RARB: variants seen among roughly 807,000 people sequenced by gnomAD.
The protein encoded by RARB is HBV-activated protein.
In RARB, 17 loss-of-function variants were observed where a neutral mutation model predicts 51.9. The observed-to-expected ratio is 0.33, with a 90% confidence interval of 0.22 to 0.49. The LOEUF (loss-of-function observed/expected upper bound fraction) is 0.49, where lower values mean the gene tolerates loss of function less well. RARB is among the 20% of genes least tolerant of loss of function. The pLI is 0.99. For missense variants in RARB, 369 were observed against 550.8 expected, an observed-to-expected ratio of 0.67 and a Z score of 3.30; for synonymous variants, 215 against 195.4, an observed-to-expected ratio of 1.10 and a Z score of -0.84.
Position 25,051,847 on chromosome 3 carries a change from G to A in RARB, c.-379-8278G>A, listed in dbSNP as rs1283438924. On this transcript the variant is annotated intron_variant, in intron 2 of 11. Transcript: ENST00000383772. ...CTTGAAGGGAGGAAGCATCTTAAAT[G>A]GACTGTGAAAGAAACAGGTACAAAA... Among the ~76,000 whole-genome samples the A allele has an allele frequency of 2.0e-5, 3 of 152,150 alleles. No homozygotes were observed. The East Asian group carries it at 5.8e-4, about 29-fold the overall frequency.
At chr3:24,903,333 G>C (rs1228063628) in intron 2 of RARB, among the ~76,000 whole-genome samples, 3 of 151,998 alleles carry the variant, frequency 2.0e-5, no homozygotes, top group African/African-American at 7.3e-5. Context: ...ACTAGTATAA[G>C]AAAAAGTAAT....
At chr3:25,247,866 G>A (rs908434208) in intron 5 of RARB, among the ~76,000 whole-genome samples, 1 of 152,226 alleles carries the variant, frequency 6.6e-6, no homozygotes, top group African/African-American at 2.4e-5. Flanking sequence ...GCTGTTGGGT[G>A]AAATGTTCTG....
intron 1 of RARB, among the ~76,000 whole-genome samples, chr3:25,436,941 C>T (rs1191880116): frequency 1.3e-5 from 2 of 152,084 alleles, no homozygotes; most frequent in Non-Finnish European, 1.5e-5. Context: ...GGATCGGTTT[C>T]TACAGCTATG....
upstream of RARB, among the ~76,000 whole-genome samples, chr3:25,424,777 G>A (rs1306623633): frequency 7.2e-5 from 11 of 152,144 alleles, no homozygotes. Flanking sequence ...ACGGTGCACA[G>A]ACACGACTGC....
intron 3 of RARB, among the ~76,000 whole-genome samples, chr3:25,505,275 G>A (rs1697525073): frequency 6.6e-6 from 1 of 152,152 alleles, no homozygotes; most frequent in Non-Finnish European, 1.5e-5. Flanking sequence ...GCAGTTTGAT[G>A]AGAAAGTCTA....
chr3:25,430,879 G>A (rs1486013977), intron 1 of RARB, among the ~76,000 whole-genome samples: 3 of 150,386 alleles, frequency 2.0e-5, no homozygotes, highest in African/African-American at 7.3e-5. Flanking sequence ...TGAATAAAAT[G>A]TAAATATTGC....
chr3:25,587,777 A>G lies in RARB; in HGVS notation c.787-5726A>G, dbSNP rs1701454208. 3.3e-5 allele frequency among the ~76,000 whole-genome samples: 5 copies of G among 152,358 alleles called. No individual in the cohort carries two copies. The South Asian group carries it at 1.0e-3, about 32-fold the overall frequency. On this transcript the variant is annotated intron_variant, in intron 5 of 7. Coordinates refer to ENST00000330688, the MANE Select transcript of RARB (RefSeq NM_000965.5). ...TCACTACCTAAACATTCCCACAGGC[A>G]TATGGGGATAAATTGTCGAATCAGA... is the stretch of plus-strand genomic sequence containing the variant.
At chr3:24,975,728 G>A (rs537233243) in intron 2 of RARB, among the ~76,000 whole-genome samples, 12 of 151,830 alleles carry the variant, frequency 7.9e-5, no homozygotes, top group African/African-American at 1.9e-4. Flanking sequence ...TTTTTGTCAT[G>A]CTGCTGCTAA....
At chr3:25,278,649 A>G (rs1386399340) in intron 5 of RARB, among the ~76,000 whole-genome samples, 1 of 152,240 alleles carries the variant, frequency 6.6e-6, no homozygotes, top group African/African-American at 2.4e-5. Flanking sequence ...CTAAATGGGT[A>G]GAAACCCAGA....
In RARB at chr3:24,967,440, CTCAGATGG is replaced by C. The variant is rs961037700; in HGVS notation, c.-379-92681_-379-92674del. ...CCGTTTTGTAAATTTGTCTCCTCAA[CTCAGATGG>C]TCAACTTCTAAGAGTAGAATCCAGT... On this transcript the variant is annotated intron_variant, in intron 2 of 11. Coordinates refer to the RARB transcript ENST00000383772. 1.1e-3 allele frequency among the ~76,000 whole-genome samples: 171 copies of C among 152,248 alleles called. 1 individual carries two copies. The highest frequency in any genetic ancestry group is 3.9e-3 in the African/African-American group (163 of 41,566).
chr3:24,978,210 C>G (rs1293326854), intron 2 of RARB, among the ~76,000 whole-genome samples: 2 of 150,650 alleles, frequency 1.3e-5, no homozygotes, highest in African/African-American at 2.5e-5. Flanking sequence ...GCCTAAGATT[C>G]TTTTTTTTTG....
rs41285067 is a variant in RARB, at chr3:25,501,531, C to T, written c.448+208C>T. Among the ~76,000 whole-genome samples the T allele has an allele frequency of 9.7e-3, 1,477 of 152,224 alleles. 8 individuals are homozygous for T. Among genetic ancestry groups the T allele is most frequent in the East Asian group, 0.038 (194 of 5,172 alleles). ...TGGTGGAAAGGCAGGAGTTAGGCGT[C>T]GTGGATGTCAGATTTGTATTCCAAA... On this transcript the variant is annotated intron_variant, in intron 3 of 7. Coordinates refer to ENST00000330688, the MANE Select transcript of RARB (RefSeq NM_000965.5).
intron 1 of RARB, among the ~76,000 whole-genome samples, chr3:25,431,771 C>T (rs957751802): frequency 6.6e-6 from 1 of 151,960 alleles, no homozygotes; most frequent in African/African-American, 2.4e-5. Context: ...TAGGACTTTG[C>T]CCATTAATGA....
intron 3 of RARB, among the ~76,000 whole-genome samples, chr3:25,097,142 C>G (rs993840105): frequency 6.6e-6 from 1 of 152,246 alleles, no homozygotes; most frequent in East Asian, 1.9e-4. Context: ...CAATTCTACC[C>G]TTCATGTTGC....
At position 25,205,018 on chromosome 3, in the gene RARB, C is replaced by A. The variant is rs187080077; in HGVS notation, c.178+30443C>A. Among the ~76,000 whole-genome samples, 147 of 152,270 alleles carry A rather than the reference C, an allele frequency of 9.7e-4. 2 individuals are homozygous for A. The Middle Eastern group carries it at 0.02, about 21-fold the overall frequency. On this transcript the variant is annotated intron_variant, in intron 5 of 11. Transcript: ENST00000383772. ...CTTTTGTTTGGGTATGCCTTGCCCC[C>A]AGAGGTGGAGTCTACAGAGGCAGGC...
chr3:25,186,884 C>CGTGT (rs1559497305), intron 5 of RARB, among the ~76,000 whole-genome samples: 5 of 58,820 alleles, frequency 8.5e-5, no homozygotes, highest in African/African-American at 1.7e-4. Flanking sequence ...AAAAGGTAAG[C>CGTGT]CTGTGTGTGT....
intron 2 of RARB, among the ~76,000 whole-genome samples, chr3:25,048,198 T>A (rs1038006438): frequency 6.6e-6 from 1 of 152,236 alleles, no homozygotes; most frequent in African/African-American, 2.4e-5. Context: ...ACAGGATAAT[T>A]GCTCATTTCA....
intron 2 of RARB, among the ~76,000 whole-genome samples, chr3:25,469,229 G>A (rs970550104): frequency 6.6e-6 from 1 of 152,206 alleles, no homozygotes; most frequent in Non-Finnish European, 1.5e-5. Flanking sequence ...TTGCAATCAG[G>A]AAGATGGATG....
intron 5 of RARB, among the ~76,000 whole-genome samples, chr3:25,231,265 G>C (rs1702169313): frequency 6.6e-6 from 1 of 152,144 alleles, no homozygotes; most frequent in Non-Finnish European, 1.5e-5. Context: ...GTCCAGCAAA[G>C]CAATGCTTGC....
Sources: allele counts gnomAD v4.1 joint callset (sites outside exome capture counted in the v4.1 genomes callset), GRCh38; gene constraint gnomAD v4.1.1; transcripts MANE v1.5; gene names NCBI Gene and HGNC (gene_info 2026-07-23, HGNC 2026-07-21).